Variants in ATF2 observed in about 807,000 individuals in gnomAD.
ATF2 encodes cyclic AMP-dependent transcription factor ATF-2.
In ATF2, 24 loss-of-function variants were observed where a neutral mutation model predicts 60.6. The ratio of observed to expected loss-of-function variants is 0.40; its 90% CI spans 0.29 to 0.56. ATF2 has a LOEUF of 0.56. ATF2 is among the 20% of genes least tolerant of loss of function. ATF2 has a pLI of 0.54. For missense variants in ATF2, 433 were observed against 607.7 expected, an observed-to-expected ratio of 0.71 and a Z score of 3.02; for synonymous variants, 206 against 215.4, an observed-to-expected ratio of 0.96 and a Z score of 0.38.
intron 2 of ATF2, among the ~76,000 whole-genome samples, chr2:175,138,053 G>A (rs765703407): frequency 1.2e-4 from 19 of 152,154 alleles, no homozygotes; most frequent in Non-Finnish European, 1.8e-4. Flanking sequence ...TAGATTGTTG[G>A]AGAAGTCAAT....
intron 13 of ATF2, chr2:175,080,393 T>G (rs1243353916): frequency 4.3e-6 from 1 of 234,666 alleles, no homozygotes; most frequent in African/African-American, 2.2e-5. Context: ...CATCAAGTAC[T>G]TACAGTATAT....
intron 11 of ATF2, among the ~76,000 whole-genome samples, chr2:175,095,291 G>A (rs1368757933): frequency 1.3e-5 from 2 of 151,844 alleles, no homozygotes; most frequent in Non-Finnish European, 2.9e-5. Context: ...TAGAGACGGG[G>A]TTTCACCAGG....
chr2:175,147,757 G>A (rs1416326103), intron 2 of ATF2, among the ~76,000 whole-genome samples: 1 of 152,056 alleles, frequency 6.6e-6, no homozygotes, highest in Non-Finnish European at 1.5e-5. Flanking sequence ...GACTAGTAAG[G>A]AAGAGAAAAA....
intron 1 of ATF2, among the ~76,000 whole-genome samples, chr2:175,159,489 C>T (rs143065938): frequency 1.0e-3 from 154 of 152,090 alleles, no homozygotes; most frequent in African/African-American, 3.6e-3. Context: ...TTTTTTCCCC[C>T]ACTCACAGCA....
intron 10 of ATF2, among the ~76,000 whole-genome samples, chr2:175,109,052 T>C (rs377268772): frequency 6.6e-6 from 1 of 151,810 alleles, no homozygotes; most frequent in Admixed American, 6.6e-5. Flanking sequence ...CGCAGGGTCC[T>C]CTGCATAGGA....
chr2:175,074,580 T>G lies in ATF2; in HGVS notation c.*29A>C, dbSNP rs773732331. On this transcript the variant is annotated 3_prime_UTR_variant, in exon 14 of 14. Coordinates refer to ENST00000264110, the MANE Select transcript of ATF2 (RefSeq NM_001880.4). The stretch of plus-strand genomic sequence containing the variant: ...TTCCCTTTGAAGTCACTAATGAGTA[T>G]CTAAAACTGTTGTACTGCAGGTTTT... 3.1e-6 allele frequency: 5 copies of G among 1,590,828 alleles called. No homozygotes were observed. The highest frequency in any genetic ancestry group is 4.3e-6 in the Non-Finnish European group (5 of 1,166,856).
intron 1 of ATF2, among the ~76,000 whole-genome samples, chr2:175,154,525 ATATT>A (rs1269200927): frequency 1.3e-5 from 2 of 152,324 alleles, no homozygotes; most frequent in African/African-American, 4.8e-5. Flanking sequence ...ATTAAAAAGT[ATATT>A]TAAATACATA....
At chr2:175,103,481 T>C (rs957182533) in intron 10 of ATF2, among the ~76,000 whole-genome samples, 1 of 152,090 alleles carries the variant, frequency 6.6e-6, no homozygotes, top group Non-Finnish European at 1.5e-5. Context: ...AGGTATTTGC[T>C]GATTAGCTCG....
chr2:175,140,955 C>T (rs1427332319), intron 2 of ATF2, among the ~76,000 whole-genome samples: 1 of 126,254 alleles, frequency 7.9e-6, no homozygotes, highest in Non-Finnish European at 1.6e-5. Flanking sequence ...TATGCTCTTG[C>T]CAATACACTC....
chr2:175,141,454 T>A (rs1698528885), intron 2 of ATF2, among the ~76,000 whole-genome samples: 1 of 152,130 alleles, frequency 6.6e-6, no homozygotes, highest in South Asian at 2.1e-4. Context: ...GGTATGTGGT[T>A]CTGGTAGAAT....
intron 4 of ATF2, among the ~76,000 whole-genome samples, chr2:175,129,462 T>C (rs1226461426): frequency 1.3e-5 from 2 of 152,114 alleles, no homozygotes; most frequent in African/African-American, 4.8e-5. Flanking sequence ...CAATTATATT[T>C]CAATTTAAAA....
chr2:175,093,299 T>C (rs1694683377), intron 11 of ATF2, 32 bp from the exon 12 acceptor site: 7 of 1,596,986 alleles, frequency 4.4e-6, no homozygotes, highest in South Asian at 1.1e-5. Context: ...GCCTGTTATA[T>C]TTGTATCTAG....
Position 175,109,493 on chromosome 2 carries a change from A to C in ATF2, c.828+2075T>G, listed in dbSNP as rs1029482318. The stretch of plus-strand genomic sequence containing the variant: ...GAGAAACTTTTATTCTTTTTAATTT[A>C]ATTTCCTGATGACCTAAAAGAAACA... On this transcript the variant is annotated intron_variant, in intron 10 of 13. Transcript: ENST00000264110. Among the ~76,000 whole-genome samples, 6 of 152,186 alleles carry C rather than the reference A, an allele frequency of 3.9e-5. No individual in the cohort carries two copies. The South Asian group carries it at 1.2e-3, about 32-fold the overall frequency.
chr2:175,148,828 A>G (rs1351003622), intron 2 of ATF2, among the ~76,000 whole-genome samples: 1 of 152,102 alleles, frequency 6.6e-6, no homozygotes, highest in African/African-American at 2.4e-5. Context: ...TTTGAATCCT[A>G]TGAACTGGAA....
At chr2:175,113,745 C>T (rs1396006444) in intron 9 of ATF2, among the ~76,000 whole-genome samples, 1 of 151,108 alleles carries the variant, frequency 6.6e-6, no homozygotes, top group Admixed American at 6.6e-5. Context: ...GCTACAAGTC[C>T]AGTCAAATTG....
At chr2:175,122,692 T>TTA (rs1697051774) in intron 4 of ATF2, among the ~76,000 whole-genome samples, 1 of 152,046 alleles carries the variant, frequency 6.6e-6, no homozygotes, top group Admixed American at 6.6e-5. Flanking sequence ...AATGCCTTGG[T>TTA]TATAGCACCT....
chr2:175,114,934 A>C, intron 7 of ATF2, 66 bp from the exon 8 acceptor site: 1 of 1,474,422 alleles, frequency 6.8e-7, no homozygotes, highest in Middle Eastern at 1.8e-4. Flanking sequence ...TAGTGAACAG[A>C]ATGTAACACA....
intron 10 of ATF2, among the ~76,000 whole-genome samples, chr2:175,106,936 G>A (rs780089417): frequency 9.9e-5 from 15 of 152,146 alleles, no homozygotes; most frequent in Non-Finnish European, 2.1e-4. Context: ...GGCCGAGGAG[G>A]GTGGATTGCC....
rs186591125 is a variant in ATF2 at position 175,107,319 on chromosome 2, C to T, written c.828+4249G>A. 9.2e-5 allele frequency among the ~76,000 whole-genome samples: 14 copies of T among 152,208 alleles called. No homozygotes were observed. In the South Asian group the frequency reaches 1.7e-3, roughly 18 times the overall value. On this transcript the variant is annotated intron_variant, in intron 10 of 13. Transcript: ENST00000264110. ...TGTGGGAACAACTGGAATTCCCACA[C>T]GCTGCTGGTAGGAATGTAAACCTTT...
Sources: gnomAD v4.1 joint callset for allele counts (sites outside exome capture counted in the v4.1 genomes callset) on GRCh38, gnomAD v4.1.1 for gene constraint, MANE v1.5 for transcripts, NCBI Gene and HGNC (gene_info 2026-07-23, HGNC 2026-07-21) for gene names.